NDRG3: variants seen among roughly 807,000 people sequenced by gnomAD.
NDRG3 encodes the protein NDRG family member 3, also known as protein NDRG3.
A neutral mutation model predicts 57.2 loss-of-function variants in NDRG3; 23 were observed. The ratio of observed to expected loss-of-function variants is 0.40; its 90% CI spans 0.29 to 0.57. NDRG3 has a LOEUF of 0.57. Ranked by LOEUF, NDRG3 falls within the 20% of genes least tolerant of loss-of-function variation. The pLI is 0.42. For missense variants in NDRG3, 384 were observed against 457.3 expected (o/e 0.84, Z 1.46); for synonymous variants, 132 against 162.6 (o/e 0.81, Z 1.43).
At chr20:36,722,295 C>G (rs1211615222) in intron 1 of NDRG3, among the ~76,000 whole-genome samples, 1 of 152,140 alleles carries the variant, frequency 6.6e-6, no homozygotes, top group Non-Finnish European at 1.5e-5. Context: ...GATCCTTCCC[C>G]AGCTGAGTGT....
chr20:36,689,390 T>C (rs930683342), intron 3 of NDRG3, among the ~76,000 whole-genome samples: 3 of 152,052 alleles, frequency 2.0e-5, no homozygotes, highest in African/African-American at 7.2e-5. Flanking sequence ...GCAAATTGGG[T>C]AAGGAGCCAG....
At chr20:36,656,865 C>T (rs1241897904) in intron 13 of NDRG3, among the ~76,000 whole-genome samples, 4 of 152,150 alleles carry the variant, frequency 2.6e-5, no homozygotes, top group African/African-American at 9.7e-5. Flanking sequence ...AACAGTGTGA[C>T]CCTAACTTCT....
At chr20:36,671,007 GA>G (rs1980103427) in intron 9 of NDRG3, among the ~76,000 whole-genome samples, 1 of 152,126 alleles carries the variant, frequency 6.6e-6, no homozygotes, top group Admixed American at 6.6e-5. Flanking sequence ...TTTTCCCCCT[GA>G]AATTTCTATT....
chr20:36,707,688 GATTAT>G (rs1983624871), intron 2 of NDRG3, among the ~76,000 whole-genome samples: 1 of 152,062 alleles, frequency 6.6e-6, no homozygotes, highest in African/African-American at 2.4e-5. Context: ...TCTAAAAAGG[GATTAT>G]ATTATAATAA....
chr20:36,742,146 C>T (rs936490547), intron 1 of NDRG3, among the ~76,000 whole-genome samples: 1 of 152,144 alleles, frequency 6.6e-6, no homozygotes, highest in Non-Finnish European at 1.5e-5. Context: ...AGCTAGTCCC[C>T]CTACCATATA....
intron 2 of NDRG3, among the ~76,000 whole-genome samples, chr20:36,718,368 A>G (rs1984395365): frequency 6.6e-6 from 1 of 152,144 alleles, no homozygotes; most frequent in South Asian, 2.1e-4. Flanking sequence ...AGGGAGAGAA[A>G]GGAGTAAGGT....
At chr20:36,684,497 C>A (rs762585484) in intron 5 of NDRG3, 22 bp from the exon 6 acceptor site, 1 of 1,605,646 alleles carries the variant, frequency 6.2e-7, no homozygotes, top group Non-Finnish European at 8.5e-7. Flanking sequence ...AAGGATATCT[C>A]CTGAATTAGA....
intron 1 of NDRG3, among the ~76,000 whole-genome samples, chr20:36,725,619 GA>G (rs922253409): frequency 2.1e-5 from 3 of 142,006 alleles, no homozygotes; most frequent in East Asian, 2.0e-4. Flanking sequence ...AAAAAAAAAA[GA>G]AAAAAAAGAA....
At chr20:36,688,523 A>C (rs1981982294) in intron 4 of NDRG3, among the ~76,000 whole-genome samples, 156 bp downstream of exon 4, 1 of 152,208 alleles carries the variant, frequency 6.6e-6, no homozygotes, top group Non-Finnish European at 1.5e-5. Context: ...CACACTTCCC[A>C]GGAACTTTAT....
chr20:36,715,944 G>A (rs1022704894), intron 2 of NDRG3, among the ~76,000 whole-genome samples: 8 of 148,740 alleles, frequency 5.4e-5, no homozygotes, highest in Admixed American at 1.3e-4. Context: ...GCAAAGCTCC[G>A]TCTCTAAAAA....
chr20:36,739,852 G>A (rs569242500), intron 1 of NDRG3, among the ~76,000 whole-genome samples: 2 of 146,270 alleles, frequency 1.4e-5, no homozygotes, highest in South Asian at 4.5e-4. Flanking sequence ...GGAGCTTGCA[G>A]TGAGCTGAGA....
intron 12 of NDRG3, 87 bp downstream of exon 12, chr20:36,664,959 G>T: frequency 7.5e-7 from 1 of 1,333,846 alleles, no homozygotes; most frequent in Non-Finnish European, 1.1e-6. Context: ...AAAGTGTTGG[G>T]AATACAGGCG....
chr20:36,703,778 A>G (rs1360772798), intron 3 of NDRG3, among the ~76,000 whole-genome samples: 1 of 152,144 alleles, frequency 6.6e-6, no homozygotes, highest in African/African-American at 2.4e-5. Context: ...AACAGAACTA[A>G]AAGTTCTATT....
chr20:36,708,612 C>A (rs374961353), intron 2 of NDRG3, among the ~76,000 whole-genome samples: 12 of 135,424 alleles, frequency 8.9e-5, no homozygotes, highest in African/African-American at 3.4e-4. Context: ...TGAGCCATTG[C>A]GTGTCAGCCT....
At chr20:36,717,713 C>CAAA (rs1050646731) in intron 2 of NDRG3, among the ~76,000 whole-genome samples, 23 of 152,130 alleles carry the variant, frequency 1.5e-4, no homozygotes, top group African/African-American at 5.6e-4. Flanking sequence ...GCAGGACAGG[C>CAAA]AAAAACAACA....
intron 15 of NDRG3, among the ~76,000 whole-genome samples, chr20:36,655,990 C>T (rs1219541609): frequency 2.0e-5 from 3 of 151,746 alleles, no homozygotes; most frequent in African/African-American, 7.3e-5. Context: ...AAAAATTATT[C>T]GGGTGTGGTG....
chr20:36,664,943 C>T (rs889278928), intron 12 of NDRG3, 103 bp downstream of exon 12: 16 of 1,162,990 alleles, frequency 1.4e-5, no homozygotes, highest in East Asian at 2.3e-5. Context: ...CCTGCCTCAG[C>T]CTCTCAAAGT....
chr20:36,689,233 T>C (rs185538416), intron 3 of NDRG3, among the ~76,000 whole-genome samples: 19 of 152,088 alleles, frequency 1.2e-4, no homozygotes, highest in African/African-American at 3.9e-4. Context: ...ACCAGAGAGA[T>C]GCTAGAGTAT....
intron 3 of NDRG3, among the ~76,000 whole-genome samples, chr20:36,697,981 T>G (rs1215092829): frequency 6.7e-6 from 1 of 148,886 alleles, no homozygotes; most frequent in African/African-American, 2.5e-5. Flanking sequence ...TTTTTTTTTT[T>G]TTGAGACAGA....
Sources: allele counts gnomAD v4.1 joint callset (sites outside exome capture counted in the v4.1 genomes callset), GRCh38; gene constraint gnomAD v4.1.1; transcripts MANE v1.5; gene names NCBI Gene and HGNC (gene_info 2026-07-23, HGNC 2026-07-21).